Variants in SMIM36 observed in about 807,000 individuals in gnomAD.
SMIM36 encodes small integral membrane protein 36.
At position 55,486,670 on chromosome 17, in the gene SMIM36, G is replaced by A. The variant is rs149375254; in HGVS notation, c.*175-7090C>T. Among the ~76,000 whole-genome samples the A allele has an allele frequency of 4.4e-3, 674 of 152,232 alleles. 2 individuals are homozygous for A. The highest frequency in any genetic ancestry group is 0.015 in the African/African-American group (633 of 41,520). On this transcript the variant is annotated intron_variant, in intron 1 of 4. Coordinates refer to ENST00000636752, the Ensembl canonical transcript of SMIM36. ...AGGGCTGGTGTTTCACTACCCATAA[G>A]CGTGCATCGTGCCCTACCTTATATT...
intron 4 of SMIM36, chr17:55,458,202 T>C (rs1041973825): frequency 6.6e-6 from 1 of 152,228 alleles, no homozygotes; most frequent in Non-Finnish European, 1.5e-5. Context: ...CATGATCCGC[T>C]ATCTGGATGT....
intron 4 of SMIM36, among the ~76,000 whole-genome samples, chr17:55,466,277 C>CA (rs796506078): frequency 0.24 from 11,378 of 46,574 alleles, 1,497 homozygotes; most frequent in Non-Finnish European, 0.32. Context: ...GACTCCGTCT[C>CA]AAAAAAAAAA....
chr17:55,497,709 A>C (rs894428830), intron 1 of SMIM36, among the ~76,000 whole-genome samples: 1 of 152,182 alleles, frequency 6.6e-6, no homozygotes, highest in African/African-American at 2.4e-5. Flanking sequence ...ACAAACGAAC[A>C]AACAAGCAAA....
intron 1 of SMIM36, among the ~76,000 whole-genome samples, chr17:55,490,005 C>A (rs114611398): frequency 3.4e-5 from 5 of 148,976 alleles, no homozygotes; most frequent in African/African-American, 1.0e-4. Context: ...CCTGCCACTG[C>A]GCCTGGCAAT....
At chr17:55,492,934 C>T (rs906376396) in intron 1 of SMIM36, among the ~76,000 whole-genome samples, 5 of 152,214 alleles carry the variant, frequency 3.3e-5, no homozygotes, top group African/African-American at 1.2e-4. Flanking sequence ...ACATTTGTCA[C>T]GGTTTACGTT....
intron 4 of SMIM36, among the ~76,000 whole-genome samples, 166 bp downstream of exon 4, chr17:55,466,979 G>GAGGC (rs1302734366): frequency 6.6e-6 from 1 of 152,206 alleles, no homozygotes; most frequent in East Asian, 1.9e-4. Flanking sequence ...AGGGGGAAAT[G>GAGGC]AGGCCATCAG....
intron 4 of SMIM36, among the ~76,000 whole-genome samples, chr17:55,453,068 G>A (rs1908950656): frequency 6.6e-6 from 1 of 152,200 alleles, no homozygotes. Flanking sequence ...CCAGCACTTA[G>A]GGAGGCTGAG....
chr17:55,493,115 A>T (rs1336266814), intron 1 of SMIM36, among the ~76,000 whole-genome samples: 1 of 152,230 alleles, frequency 6.6e-6, no homozygotes, highest in Non-Finnish European at 1.5e-5. Flanking sequence ...CCTGATCAAC[A>T]ACAATGCTGT....
At chr17:55,459,814 T>TG (rs1429380203) in intron 4 of SMIM36, among the ~76,000 whole-genome samples, 1 of 151,930 alleles carries the variant, frequency 6.6e-6, no homozygotes, top group East Asian at 1.9e-4. Flanking sequence ...TTTGGCAGTA[T>TG]GGCAAGACCC....
At chr17:55,450,146 A>G (rs935944018) in exon 5 of SMIM36, 1 of 152,238 alleles carries the variant, frequency 6.6e-6, no homozygotes, top group African/African-American at 2.4e-5. Flanking sequence ...AGGCAGCAGT[A>G]TGACCAGGTA....
chr17:55,492,675 C>T (rs1285347019), intron 1 of SMIM36, among the ~76,000 whole-genome samples: 1 of 150,042 alleles, frequency 6.7e-6, no homozygotes, highest in African/African-American at 2.4e-5. Flanking sequence ...CTAACTATTG[C>T]GAACATCTTA....
the SMIM36 span, among the ~76,000 whole-genome samples, chr17:55,529,773 G>A: frequency 6.6e-6 from 1 of 151,406 alleles, no homozygotes; most frequent in East Asian, 1.9e-4. Flanking sequence ...CCTGGGTGAT[G>A]GACCCAGACC....
At chr17:55,530,719 G>T in the SMIM36 span, among the ~76,000 whole-genome samples, 15 of 152,220 alleles carry the variant, frequency 9.9e-5, no homozygotes, top group Non-Finnish European at 2.1e-4. Flanking sequence ...GGAGGCAGAG[G>T]GTGTAGTGAG....
At position 55,498,730 on chromosome 17, in the gene SMIM36, G is replaced by A. The variant is rs1909854322; in HGVS notation, c.*174+12149C>T. 2.0e-5 allele frequency among the ~76,000 whole-genome samples: 3 copies of A among 152,008 alleles called. No homozygotes were observed. The South Asian group carries it at 6.2e-4, about 32-fold the overall frequency. On this transcript the variant is annotated intron_variant, in intron 1 of 4. Coordinates refer to ENST00000636752, the Ensembl canonical transcript of SMIM36. The stretch of plus-strand genomic sequence containing the variant: ...AAATGTTAAACAGGTCGGGCGTGGT[G>A]GCTCACACCTGTAATCCCAGCACTC...
At chr17:55,472,563 T>A (rs998338858) in intron 3 of SMIM36, among the ~76,000 whole-genome samples, 31 of 152,108 alleles carry the variant, frequency 2.0e-4, no homozygotes, top group African/African-American at 6.8e-4. Context: ...AACCTACTGA[T>A]CTTATTGCAA....
At position 55,490,787 on chromosome 17, in the gene SMIM36, C is replaced by CT. The variant is rs1383551370; in HGVS notation, c.*175-11208dup. ...AAAAAGGTGTCAACTTGTACATACACTATGATCATAAGTATGTAAAATATA... is the reference window on the plus strand; with the variant it reads ...AAAAAGGTGTCAACTTGTACATACACTTATGATCATAAGTATGTAAAATATA... On this transcript the variant is annotated intron_variant, in intron 1 of 4. Transcript: ENST00000636752. 2.6e-5 allele frequency among the ~76,000 whole-genome samples: 4 copies of CT among 151,870 alleles called. No individual in the cohort carries two copies. The East Asian group carries it at 7.7e-4, about 29-fold the overall frequency.
intron 1 of SMIM36, among the ~76,000 whole-genome samples, chr17:55,499,073 G>A (rs1909864004): frequency 6.6e-6 from 1 of 151,730 alleles, no homozygotes; most frequent in South Asian, 2.1e-4. Flanking sequence ...TAGTGACAGA[G>A]GGGAAATTGA....
upstream of SMIM36, among the ~76,000 whole-genome samples, chr17:55,513,616 A>G (rs1317902307): frequency 5.3e-5 from 8 of 152,216 alleles, no homozygotes; most frequent in Non-Finnish European, 1.2e-4. Context: ...GGGACTCTAG[A>G]TTCGTGACTT....
chr17:55,457,516 A>T (rs138736369), intron 4 of SMIM36, among the ~76,000 whole-genome samples: 3,645 of 151,314 alleles, frequency 0.024, 122 homozygotes, highest in African/African-American at 0.074. Flanking sequence ...CTTTAAAAAA[A>T]TTTTTTTTAT....
Sources: allele counts gnomAD v4.1 joint callset (sites outside exome capture counted in the v4.1 genomes callset), GRCh38; gene constraint gnomAD v4.1.1; transcripts MANE v1.5; gene names NCBI Gene and HGNC (gene_info 2026-07-23, HGNC 2026-07-21).